SIK3: variants seen among roughly 807,000 people sequenced by gnomAD.
SIK3 encodes the protein SIK family kinase 3, also known as serine/threonine-protein kinase SIK3.
Under a neutral mutation model 144.2 loss-of-function variants are expected in SIK3, and 28 were observed. That is an observed-to-expected ratio of 0.19 (90% confidence interval 0.14 to 0.27). The LOEUF (loss-of-function observed/expected upper bound fraction) is 0.27, where lower values mean the gene tolerates loss of function less well. SIK3 is among the 10% of genes least tolerant of loss of function. The probability of loss-of-function intolerance (pLI) is 1.00; values close to 1 mark genes in which losing one functional copy is unlikely to be tolerated. For synonymous variants in SIK3, 686 were observed against 676.3 expected (o/e 1.01, Z -0.22); for missense variants, 1,319 against 1,776.0 (o/e 0.74, Z 4.62).
chr11:117,011,474 G>C (rs1951252218), intron 1 of SIK3, among the ~76,000 whole-genome samples: 1 of 152,192 alleles, frequency 6.6e-6, no homozygotes, highest in Non-Finnish European at 1.5e-5. Flanking sequence ...ACACATAACA[G>C]AGAGTGGATT....
At chr11:117,027,018 T>G (rs1307870425) in intron 1 of SIK3, among the ~76,000 whole-genome samples, 6 of 152,258 alleles carry the variant, frequency 3.9e-5, no homozygotes, top group African/African-American at 1.2e-4. Flanking sequence ...TGGAAAATAC[T>G]ACCAACGTAA....
intron 14 of SIK3, chr11:116,869,415 TA>T (rs2134494443): frequency 6.6e-6 from 1 of 152,296 alleles, no homozygotes; most frequent in African/African-American, 2.4e-5. Context: ...CCCTTTCAGC[TA>T]AAATCAGTTA....
chr11:116,988,279 G>C (rs537244072), intron 1 of SIK3, among the ~76,000 whole-genome samples: 3 of 152,082 alleles, frequency 2.0e-5, no homozygotes, highest in East Asian at 1.9e-4. Context: ...CCAGCTACTA[G>C]GGAGGCTAAG....
chr11:116,936,178 CTTTG>C (rs999686637), intron 3 of SIK3, among the ~76,000 whole-genome samples: 6 of 152,120 alleles, frequency 3.9e-5, no homozygotes, highest in African/African-American at 9.7e-5. Context: ...CTAGCGTTCT[CTTTG>C]TTTGTTTGCA....
At chr11:116,981,964 C>T (rs1950153585) in intron 1 of SIK3, among the ~76,000 whole-genome samples, 1 of 152,224 alleles carries the variant, frequency 6.6e-6, no homozygotes, top group Non-Finnish European at 1.5e-5. Flanking sequence ...TCAGTCCTCA[C>T]AGGTAGTATA....
chr11:117,036,233 T>A (rs576029348), intron 1 of SIK3, among the ~76,000 whole-genome samples: 10 of 140,420 alleles, frequency 7.1e-5, no homozygotes, highest in African/African-American at 1.5e-4. Context: ...AAATAAAATT[T>A]AAAAAAAAAT....
intron 4 of SIK3, among the ~76,000 whole-genome samples, chr11:116,921,810 A>G (rs1260511818): frequency 6.6e-6 from 1 of 152,254 alleles, no homozygotes; most frequent in African/African-American, 2.4e-5. Flanking sequence ...TAAAACCAGA[A>G]AGAAAACAAA....
intron 1 of SIK3, among the ~76,000 whole-genome samples, chr11:117,037,749 T>C (rs1318131173): frequency 6.6e-6 from 1 of 151,814 alleles, no homozygotes; most frequent in Non-Finnish European, 1.5e-5. Context: ...AGCAACAGTT[T>C]CCAAGGCAGA....
chr11:116,955,765 C>A (rs1949115867), intron 2 of SIK3, among the ~76,000 whole-genome samples: 1 of 152,096 alleles, frequency 6.6e-6, no homozygotes, highest in Admixed American at 6.6e-5. Flanking sequence ...GCTTGTGGGG[C>A]AGAAGGTAGG....
chr11:117,005,900 G>A (rs999848919), intron 1 of SIK3, among the ~76,000 whole-genome samples: 1 of 152,106 alleles, frequency 6.6e-6, no homozygotes, highest in Non-Finnish European at 1.5e-5. Flanking sequence ...GCAGTTATTA[G>A]TGAACAGAAG....
chr11:117,076,094 C>A (rs1479267645), intron 1 of SIK3, among the ~76,000 whole-genome samples: 1 of 151,934 alleles, frequency 6.6e-6, no homozygotes, highest in African/African-American at 2.4e-5. Flanking sequence ...GGTGATCCAC[C>A]CACCACAGCC....
chr11:116,979,706 G>A (rs1484844912), intron 1 of SIK3, among the ~76,000 whole-genome samples: 1 of 152,098 alleles, frequency 6.6e-6, no homozygotes, highest in Non-Finnish European at 1.5e-5. Flanking sequence ...AACTAGCCAG[G>A]CGTGGTAATG....
At chr11:116,958,623 G>T (rs1314713525) in intron 1 of SIK3, among the ~76,000 whole-genome samples, 1 of 131,300 alleles carries the variant, frequency 7.6e-6, no homozygotes, top group African/African-American at 3.6e-5. Context: ...TCACCTACAG[G>T]AGAAGAGGTA....
intron 1 of SIK3, among the ~76,000 whole-genome samples, chr11:116,964,461 T>A (rs1433363004): frequency 6.6e-6 from 1 of 152,150 alleles, no homozygotes; most frequent in African/African-American, 2.4e-5. Context: ...CTGTCAAGCC[T>A]AAGGAATGGC....
At chr11:116,998,165 TAA>T (rs71037438) in intron 1 of SIK3, among the ~76,000 whole-genome samples, 36 of 141,986 alleles carry the variant, frequency 2.5e-4, no homozygotes, top group African/African-American at 6.4e-4. Flanking sequence ...TATGATAATT[TAA>T]AAAAAAAAAA....
In SIK3 at chr11:116,993,595, T is replaced by C. The variant is rs150982715; in HGVS notation, c.274-36531A>G. On this transcript the variant is annotated intron_variant, in intron 1 of 24. Coordinates refer to ENST00000445177, the MANE Select transcript of SIK3 (RefSeq NM_001366686.3). ...AGGAGCAGATATTTAGGAAAACATG[T>C]ATATTCCTTTAGTGCAATCCTAAAG... is the stretch of plus-strand genomic sequence containing the variant. 5.9e-5 allele frequency among the ~76,000 whole-genome samples: 9 copies of C among 152,182 alleles called. No homozygotes were observed. In the East Asian group the frequency reaches 1.7e-3, roughly 29 times the overall value.
At chr11:116,965,785 AT>A (rs1949522102) in intron 1 of SIK3, among the ~76,000 whole-genome samples, 1 of 136,132 alleles carries the variant, frequency 7.3e-6, no homozygotes, top group South Asian at 2.4e-4. Context: ...ATATATATAA[AT>A]TAGCCAAACA....
intron 4 of SIK3, among the ~76,000 whole-genome samples, chr11:116,906,551 A>G (rs1044212381): frequency 2.0e-5 from 3 of 152,288 alleles, no homozygotes; most frequent in African/African-American, 7.2e-5. Flanking sequence ...GGATGCAGCA[A>G]AAAGGAGAGA....
intron 21 of SIK3, among the ~76,000 whole-genome samples, chr11:116,852,781 A>G (rs184369295): frequency 1.3e-5 from 2 of 152,346 alleles, no homozygotes; most frequent in African/African-American, 4.8e-5. Flanking sequence ...AAATGAACAA[A>G]TGACTCAGGG....
Sources: gnomAD v4.1 joint callset for allele counts (sites outside exome capture counted in the v4.1 genomes callset) on GRCh38, gnomAD v4.1.1 for gene constraint, MANE v1.5 for transcripts, NCBI Gene and HGNC (gene_info 2026-07-23, HGNC 2026-07-21) for gene names.